DCDC1: variants seen among roughly 807,000 people sequenced by gnomAD.
The protein encoded by DCDC1 is doublecortin domain containing 1.
DCDC1 carries 200 observed loss-of-function variants against 178.3 expected under a neutral mutation model. The observed-to-expected ratio is 1.12, with a 90% CI of 1.00 to 1.26. The LOEUF (loss-of-function observed/expected upper bound fraction) is 1.26. DCDC1 is among the 50% of genes most tolerant of loss of function. The pLI is 0.00. For missense variants in DCDC1, 1,983 were observed against 1,749.2 expected, an observed-to-expected ratio of 1.13 and a Z score of -2.38; for synonymous variants, 690 against 604.8, an observed-to-expected ratio of 1.14 and a Z score of -2.07.
chr11:31,245,189 TTCTC>T (rs982974066), intron 8 of DCDC1, among the ~76,000 whole-genome samples: 4 of 151,508 alleles, frequency 2.6e-5, no homozygotes, highest in Non-Finnish European at 4.4e-5. Context: ...TCCCATAGCA[TTCTC>T]TCTCTCTTTT....
intron 36 of DCDC1, among the ~76,000 whole-genome samples, chr11:30,885,464 A>G (rs1943080225): frequency 6.6e-6 from 1 of 152,016 alleles, no homozygotes. Flanking sequence ...TACATGTAAT[A>G]CCCTTACTAC....
chr11:31,164,908 AGTGCCCTGTACAGCT>A (rs1473319427), intron 9 of DCDC1, among the ~76,000 whole-genome samples: 1 of 152,206 alleles, frequency 6.6e-6, no homozygotes, highest in Non-Finnish European at 1.5e-5. Flanking sequence ...ATTCGTGGTA[AGTGCCCTGTACAGCT>A]GTGCCATTTT....
chr11:31,229,784 C>T (rs1387833499), intron 9 of DCDC1, among the ~76,000 whole-genome samples: 1 of 152,106 alleles, frequency 6.6e-6, no homozygotes, highest in African/African-American at 2.4e-5. Flanking sequence ...CAATGATGAT[C>T]TGAATTGGTG....
chr11:31,109,411 T>C (rs1343635559), intron 12 of DCDC1, among the ~76,000 whole-genome samples: 1 of 152,134 alleles, frequency 6.6e-6, no homozygotes, highest in African/African-American at 2.4e-5. Flanking sequence ...GTGATTTGTG[T>C]AATCAGTTAT....
intron 21 of DCDC1, among the ~76,000 whole-genome samples, chr11:30,947,766 A>G (rs865995364): frequency 2.6e-5 from 4 of 152,164 alleles, no homozygotes; most frequent in Non-Finnish European, 5.9e-5. Flanking sequence ...AACAATCAAC[A>G]AAGTAAAGAG....
intron 20 of DCDC1, among the ~76,000 whole-genome samples, chr11:31,032,948 C>T (rs1953758865): frequency 6.6e-6 from 1 of 152,004 alleles, no homozygotes; most frequent in Non-Finnish European, 1.5e-5. Context: ...GCCTGCTTTT[C>T]CCCTAATCCT....
intron 17 of DCDC1, among the ~76,000 whole-genome samples, chr11:31,083,487 C>T (rs1485330026): frequency 6.6e-6 from 1 of 152,122 alleles, no homozygotes; most frequent in Non-Finnish European, 1.5e-5. Context: ...AGCATGAGGG[C>T]TGCCAAAGGG....
rs1186358656 is a variant in DCDC1 at position 30,905,006 on chromosome 11, A to G, written c.4263T>C (p.Asp1421=). Residue 1421 remains aspartate (D), a synonymous_variant, in exon 31 of 39, where the codon GAT becomes GAC. Coordinates refer to ENST00000684477, the MANE Select transcript of DCDC1 (RefSeq NM_001387274.1). The part of the protein sequence containing the change: ...AVKIIAYKNG[D]GYRNGKLIVA... ...CAATTAACTTCCCATTACGATACCC[A>G]TCCCCATTTTTGTATGCAATTATTT... The G allele has an allele frequency of 6.2e-7, 1 of 1,613,616 alleles. No homozygotes were observed. The highest frequency in any genetic ancestry group is 8.5e-7 in the Non-Finnish European group (1 of 1,179,740).
intron 20 of DCDC1, among the ~76,000 whole-genome samples, chr11:30,967,735 A>T (rs1949520803): frequency 6.6e-6 from 1 of 152,212 alleles, no homozygotes; most frequent in Non-Finnish European, 1.5e-5. Context: ...TCTCCAATTC[A>T]GAAATATTTC....
intron 20 of DCDC1, among the ~76,000 whole-genome samples, chr11:31,009,933 C>T (rs1952074780): frequency 6.6e-6 from 1 of 152,112 alleles, no homozygotes; most frequent in Non-Finnish European, 1.5e-5. Context: ...GGGGGGAAAG[C>T]CCCTTATAAA....
chr11:31,030,950 T>C (rs541496632), intron 20 of DCDC1, among the ~76,000 whole-genome samples: 4 of 152,148 alleles, frequency 2.6e-5, no homozygotes, highest in African/African-American at 9.6e-5. Flanking sequence ...TTTATCTGAG[T>C]TCTTATAAGC....
chr11:30,895,958 G>A (rs776235917), intron 34 of DCDC1, among the ~76,000 whole-genome samples: 16 of 152,180 alleles, frequency 1.1e-4, no homozygotes, highest in Admixed American at 1.0e-3. Flanking sequence ...TTCAGCAATA[G>A]TTTATCATTT....
chr11:31,113,951 T>C (rs1591091310), intron 11 of DCDC1, among the ~76,000 whole-genome samples: 1 of 152,182 alleles, frequency 6.6e-6, no homozygotes, highest in African/African-American at 2.4e-5. Flanking sequence ...TAATTGGCTC[T>C]GTTAATTTCA....
chr11:30,886,291 A>G (rs1943163618), intron 36 of DCDC1, among the ~76,000 whole-genome samples: 1 of 152,194 alleles, frequency 6.6e-6, no homozygotes, highest in Non-Finnish European at 1.5e-5. Flanking sequence ...TTATTAAGAT[A>G]ATAAAAAAAT....
At chr11:31,113,124 C>T (rs891018093) in intron 11 of DCDC1, among the ~76,000 whole-genome samples, 2 of 152,078 alleles carry the variant, frequency 1.3e-5, no homozygotes, top group African/African-American at 4.8e-5. Context: ...ATGAAATACT[C>T]AGAATAAGAA....
chr11:31,332,574 T>A (rs1247006163), intron 2 of DCDC1, among the ~76,000 whole-genome samples: 3 of 152,226 alleles, frequency 2.0e-5, no homozygotes, highest in Non-Finnish European at 4.4e-5. Context: ...TTTTGGTACA[T>A]TGTGTCTTTG....
rs185215406 is a variant in DCDC1 at position 30,868,601 on chromosome 11, C to T, written c.*41-3269G>A. Among the ~76,000 whole-genome samples the T allele has an allele frequency of 5.4e-3, 824 of 152,046 alleles. 2 individuals are homozygous for T. The highest frequency in any genetic ancestry group is 9.0e-3 in the Admixed American group (138 of 15,260). Reference sequence around the variant, plus strand: ...AGTTTGCTCATCTGGGCCTGCAGCACCCAGGAGCTCCTGAAAGAGCTCATG... The same window carrying T: ...AGTTTGCTCATCTGGGCCTGCAGCATCCAGGAGCTCCTGAAAGAGCTCATG... On this transcript the variant is annotated intron_variant, in intron 38 of 38. Coordinates refer to ENST00000684477, the MANE Select transcript of DCDC1 (RefSeq NM_001387274.1).
At chr11:31,363,492 A>C (rs952793608) in intron 1 of DCDC1, among the ~76,000 whole-genome samples, 3 of 152,196 alleles carry the variant, frequency 2.0e-5, no homozygotes, top group Non-Finnish European at 4.4e-5. Context: ...CTCATTAATA[A>C]AGTCAAACTT....
At chr11:31,018,171 A>G (rs573693441) in intron 20 of DCDC1, among the ~76,000 whole-genome samples, 3 of 152,288 alleles carry the variant, frequency 2.0e-5, no homozygotes, top group African/African-American at 7.2e-5. Flanking sequence ...CTCACCACCA[A>G]TTATGTAAGA....
Sources: allele counts gnomAD v4.1 joint callset (sites outside exome capture counted in the v4.1 genomes callset), GRCh38; gene constraint gnomAD v4.1.1; transcripts MANE v1.5; gene names NCBI Gene and HGNC (gene_info 2026-07-23, HGNC 2026-07-21).